The following SLCO6A1 variants were observed in gnomAD, a reference collection of about 807,000 sequenced individuals.
SLCO6A1 encodes the protein solute carrier organic anion transporter family member 6A1.
In SLCO6A1, 65 loss-of-function variants were observed where a neutral mutation model predicts 72.7. The ratio of observed to expected loss-of-function variants is 0.89; its 90% confidence interval spans 0.73 to 1.10. The LOEUF is 1.10. Among genes scored for constraint, SLCO6A1 ranks in the 50% least tolerant of loss-of-function variants. The pLI is 0.00. For synonymous variants in SLCO6A1, 314 were observed against 298.2 expected, an observed-to-expected ratio of 1.05 and a Z score of -0.55; for missense variants, 874 against 872.6, an observed-to-expected ratio of 1.00 and a Z score of -0.02.
intron 8 of SLCO6A1, among the ~76,000 whole-genome samples, chr5:102,417,846 G>T (rs1012497079): frequency 2.0e-5 from 3 of 151,976 alleles, no homozygotes; most frequent in Admixed American, 6.6e-5. Context: ...ACAAAAATTA[G>T]CTGGGTGTGG....
At chr5:102,380,393 A>T (rs1196610322) in intron 12 of SLCO6A1, among the ~76,000 whole-genome samples, 1 of 152,088 alleles carries the variant, frequency 6.6e-6, no homozygotes, top group Non-Finnish European at 1.5e-5. Context: ...TGAAAAAGAA[A>T]GATCAGATAG....
intron 1 of SLCO6A1, among the ~76,000 whole-genome samples, chr5:102,483,916 G>T (rs948812882): frequency 2.6e-5 from 4 of 152,144 alleles, no homozygotes; most frequent in Non-Finnish European, 2.9e-5. Flanking sequence ...AACTTATGTT[G>T]CAATTCTGCC....
chr5:102,440,298 G>T (rs1749764065), intron 6 of SLCO6A1, among the ~76,000 whole-genome samples: 1 of 152,140 alleles, frequency 6.6e-6, no homozygotes, highest in Non-Finnish European at 1.5e-5. Flanking sequence ...CAGGAGGTGA[G>T]TGGCAGGCGC....
intron 10 of SLCO6A1, among the ~76,000 whole-genome samples, chr5:102,397,875 G>C (rs1326787936): frequency 5.3e-5 from 8 of 152,102 alleles, no homozygotes; most frequent in Admixed American, 1.3e-4. Flanking sequence ...GTGTGTGTCT[G>C]TGTGTGTGTT....
chr5:102,487,880 T>C (rs1051451676), intron 1 of SLCO6A1, among the ~76,000 whole-genome samples: 3 of 152,228 alleles, frequency 2.0e-5, no homozygotes, highest in African/African-American at 7.2e-5. Context: ...AAAGTAAGAA[T>C]TGTGTTCAGC....
chr5:102,489,308 G>A (rs551459129), intron 1 of SLCO6A1, among the ~76,000 whole-genome samples: 26 of 152,216 alleles, frequency 1.7e-4, no homozygotes, highest in African/African-American at 6.3e-4. Flanking sequence ...GTTACCCTCA[G>A]TGGAAAACTC....
intron 9 of SLCO6A1, among the ~76,000 whole-genome samples, chr5:102,408,175 TAAC>T (rs1382339790): frequency 5.9e-5 from 9 of 152,108 alleles, no homozygotes; most frequent in African/African-American, 9.7e-5. Context: ...AGTAAGAGAT[TAAC>T]AATAACTATT....
intron 3 of SLCO6A1, among the ~76,000 whole-genome samples, chr5:102,476,192 C>T (rs1180041476): frequency 1.3e-5 from 2 of 151,692 alleles, no homozygotes; most frequent in Admixed American, 6.6e-5. Flanking sequence ...ACCTGTTCCC[C>T]CCAACACTAC....
intron 6 of SLCO6A1, 71 bp downstream of exon 6, chr5:102,458,311 C>T (rs1750844549): frequency 8.5e-7 from 1 of 1,178,460 alleles, no homozygotes; most frequent in Admixed American, 2.2e-5. Context: ...TGGGTATTTT[C>T]ATAAGTTCAT....
chr5:102,442,749 A>G (rs1468727677), intron 6 of SLCO6A1, among the ~76,000 whole-genome samples: 1 of 152,204 alleles, frequency 6.6e-6, no homozygotes, highest in African/African-American at 2.4e-5. Flanking sequence ...CAGTAGCTAA[A>G]CAATTCAGCA....
At chr5:102,390,950 G>C in intron 11 of SLCO6A1, 31 bp downstream of exon 11, 1 of 1,595,050 alleles carries the variant, frequency 6.3e-7, no homozygotes, top group Non-Finnish European at 8.6e-7. Context: ...AAAACATTTT[G>C]ATGTAATAAG....
Position 102,480,349 on chromosome 5 carries a change from T to C in SLCO6A1, c.444A>G (p.Glu148=). 6.2e-7 allele frequency: 1 copy of C among 1,613,642 alleles called. No individual in the cohort carries two copies. Among genetic ancestry groups the C allele is most frequent in the Admixed American group, 1.7e-5 (1 of 59,920 alleles). The part of the protein sequence containing the change: ...QLKTIEKLAL[E]KSYDISSGLV... Reference sequence around the variant, plus strand: ...GGCCAGATGAAATATCGTAACTCTTTTCCAATGCCAACTTCTCAATGGTTT... The same window carrying C: ...GGCCAGATGAAATATCGTAACTCTTCTCCAATGCCAACTTCTCAATGGTTT... The change falls in exon 2 of 14, where the codon GAA becomes GAG. Residue 148 remains glutamate (E), a synonymous_variant. Transcript: ENST00000506729.
chr5:102,481,876 C>T (rs1305150749), intron 1 of SLCO6A1, among the ~76,000 whole-genome samples: 1 of 151,966 alleles, frequency 6.6e-6, no homozygotes, highest in Non-Finnish European at 1.5e-5. Flanking sequence ...GCAAAGGTAA[C>T]CATCAATAGT....
In SLCO6A1 at chr5:102,469,833, A is replaced by G. The variant is rs546403138; in HGVS notation, c.899+5864T>C. Among the ~76,000 whole-genome samples the G allele has an allele frequency of 2.6e-5, 4 of 152,260 alleles. No homozygotes were observed. In the South Asian group the frequency reaches 8.3e-4, roughly 32 times the overall value. On this transcript the variant is annotated intron_variant, in intron 4 of 13. Transcript: ENST00000506729. ...TTCTTATTATTTTGAGATACATTCC[A>G]TCAATACCTAGTTTATTGAGAGTTT...
At chr5:102,480,754 A>T (rs1374590272) in intron 1 of SLCO6A1, among the ~76,000 whole-genome samples, 2 of 152,142 alleles carry the variant, frequency 1.3e-5, no homozygotes, top group Non-Finnish European at 2.9e-5. Context: ...TAAAAAATTT[A>T]AAACCATTAC....
At chr5:102,443,510 C>T (rs1050280458) in intron 6 of SLCO6A1, among the ~76,000 whole-genome samples, 1 of 152,140 alleles carries the variant, frequency 6.6e-6, no homozygotes, top group Non-Finnish European at 1.5e-5. Flanking sequence ...GGACATTGTT[C>T]TCAAATTAGG....
At chr5:102,462,772 C>G (rs1036520419) in intron 4 of SLCO6A1, among the ~76,000 whole-genome samples, 1 of 152,090 alleles carries the variant, frequency 6.6e-6, no homozygotes, top group African/African-American at 2.4e-5. Context: ...ATACAAAAAT[C>G]AACTCAAGAT....
At chr5:102,432,813 T>C (rs970598646) in intron 7 of SLCO6A1, among the ~76,000 whole-genome samples, 1 of 152,336 alleles carries the variant, frequency 6.6e-6, no homozygotes, top group South Asian at 2.1e-4. Context: ...TTGAATGTTG[T>C]CCTCTCTACA....
intron 12 of SLCO6A1, among the ~76,000 whole-genome samples, chr5:102,377,632 G>GAT (rs369555975): frequency 0.024 from 3,571 of 150,332 alleles, 97 homozygotes; most frequent in African/African-American, 0.067. Context: ...AGTATTGTTT[G>GAT]ATATATATAT....
Sources: allele counts gnomAD v4.1 joint callset (sites outside exome capture counted in the v4.1 genomes callset), GRCh38; gene constraint gnomAD v4.1.1; transcripts MANE v1.5; gene names NCBI Gene and HGNC (gene_info 2026-07-23, HGNC 2026-07-21).